CACNA2D3: variants seen among roughly 807,000 people sequenced by gnomAD.
CACNA2D3 encodes voltage-dependent calcium channel subunit alpha-2/delta-3.
Under a neutral mutation model 160.6 loss-of-function variants are expected in CACNA2D3, and 60 were observed. The observed-to-expected ratio is 0.37, with a 90% CI of 0.30 to 0.46. The LOEUF (loss-of-function observed/expected upper bound fraction) is 0.46, where lower values mean the gene tolerates loss of function less well. Ranked by LOEUF, CACNA2D3 falls within the 20% of genes least tolerant of loss-of-function variation. The probability of loss-of-function intolerance (pLI) is 1.00; values close to 1 mark genes in which losing one functional copy is unlikely to be tolerated. For missense variants in CACNA2D3, 1,205 were observed against 1,365.0 expected, an observed-to-expected ratio of 0.88 and a Z score of 1.85; for synonymous variants, 558 against 492.9, an observed-to-expected ratio of 1.13 and a Z score of -1.75.
chr3:54,274,912 G>A (rs1393219853), intron 2 of CACNA2D3, among the ~76,000 whole-genome samples: 1 of 152,244 alleles, frequency 6.6e-6, no homozygotes, highest in East Asian at 1.9e-4. Flanking sequence ...TGATCTTGGA[G>A]GTGACATTGC....
chr3:54,447,658 C>T (rs1700243896), intron 4 of CACNA2D3, among the ~76,000 whole-genome samples: 1 of 152,206 alleles, frequency 6.6e-6, no homozygotes, highest in African/African-American at 2.4e-5. Flanking sequence ...CTGCTTGGTT[C>T]TGTTAGGCCA....
At chr3:54,538,218 G>A (rs1175539162) in intron 5 of CACNA2D3, among the ~76,000 whole-genome samples, 1 of 152,122 alleles carries the variant, frequency 6.6e-6, no homozygotes, top group Non-Finnish European at 1.5e-5. Context: ...CCCCAAGGTT[G>A]CTTGACTGAG....
Position 54,269,737 on chromosome 3 carries a change from G to A in CACNA2D3, c.205-50705G>A, listed in dbSNP as rs1702584026. ...CCAGAGATGAATGGGAGTTATCTTGGCAAAAAGGAGGTGGATGAGTTTTTA... is the reference window on the plus strand; with the variant it reads ...CCAGAGATGAATGGGAGTTATCTTGACAAAAAGGAGGTGGATGAGTTTTTA... On this transcript the variant is annotated intron_variant, in intron 2 of 37. Transcript: ENST00000474759. Among the ~76,000 whole-genome samples, 5 of 152,162 alleles carry A rather than the reference G, an allele frequency of 3.3e-5. 1 individual carries two copies. In the South Asian group the frequency reaches 1.0e-3, roughly 32 times the overall value.
intron 9 of CACNA2D3, among the ~76,000 whole-genome samples, chr3:54,598,127 TAA>T (rs746815735): frequency 2.9e-5 from 4 of 140,336 alleles, no homozygotes; most frequent in Non-Finnish European, 1.6e-5. Context: ...CTATCTCTAC[TAA>T]AAAAAAAAAA....
At chr3:54,439,950 A>T (rs968576954) in intron 4 of CACNA2D3, among the ~76,000 whole-genome samples, 2 of 152,130 alleles carry the variant, frequency 1.3e-5, no homozygotes, top group African/African-American at 4.8e-5. Context: ...TGATACTCTG[A>T]TACCCACAAA....
intron 9 of CACNA2D3, among the ~76,000 whole-genome samples, chr3:54,588,459 G>C (rs1702802471): frequency 6.6e-6 from 1 of 152,090 alleles, no homozygotes; most frequent in Non-Finnish European, 1.5e-5. Flanking sequence ...GTTTTAGTCA[G>C]GCCAGGAAAA....
chr3:54,337,851 CG>C (rs1167669722), intron 3 of CACNA2D3, among the ~76,000 whole-genome samples: 21 of 152,170 alleles, frequency 1.4e-4, no homozygotes, highest in Admixed American at 1.4e-3. Flanking sequence ...CACAACTCCA[CG>C]GGAGGTGGCT....
chr3:54,909,643 A>ATTTT lies in CACNA2D3; in HGVS notation c.2449+9793_2449+9796dup, dbSNP rs759615370. Among the ~76,000 whole-genome samples, 134 of 123,836 alleles carry ATTTT rather than the reference A, an allele frequency of 1.1e-3. 2 individuals are homozygous for ATTTT. Among genetic ancestry groups the ATTTT allele is most frequent in the Middle Eastern group, 8.8e-3 (2 of 226 alleles). The allele number at this position is 123,836 out of a possible 152,430, so 81.2% of individuals were successfully genotyped here. ...AAAACATTATGAGATTTTTTTTGTG[A>ATTTT]TTTTTTTTTTTTTTTTTTTTTAGCT... On this transcript the variant is annotated intron_variant, in intron 27 of 37. Transcript: ENST00000474759.
chr3:54,843,499 G>A (rs185750907), intron 16 of CACNA2D3, among the ~76,000 whole-genome samples: 4 of 152,298 alleles, frequency 2.6e-5, no homozygotes, highest in Non-Finnish European at 5.9e-5. Flanking sequence ...CGTGTGCCTT[G>A]AGTGGCAGTG....
chr3:54,735,983 A>AT lies in CACNA2D3; in HGVS notation c.1168-16615dup, dbSNP rs1246987012. On this transcript the variant is annotated intron_variant, in intron 11 of 37. Transcript: ENST00000474759. ...CTTTGCATTATTTTTCCATGCATGT[A>AT]TATATATATACATATATATATATGT... Among the ~76,000 whole-genome samples, 451 of 122,908 alleles carry AT rather than the reference A, an allele frequency of 3.7e-3. 22 individuals carry two copies. Among genetic ancestry groups the AT allele is most frequent in the Non-Finnish European group, 5.0e-3 (299 of 59,226 alleles). The allele number at this position is 122,908 out of a possible 152,430, so 80.6% of individuals were successfully genotyped here. A position where few individuals can be genotyped will look rare whatever the true frequency, so the allele number is the denominator to read the frequency against.
intron 2 of CACNA2D3, among the ~76,000 whole-genome samples, chr3:54,148,566 A>G (rs902869664): frequency 2.8e-4 from 42 of 152,250 alleles, no homozygotes; most frequent in African/African-American, 9.9e-4. Flanking sequence ...GCGAAAAAGG[A>G]GGTGGAGTTG....
chr3:54,610,439 C>CT (rs72127250), intron 9 of CACNA2D3, among the ~76,000 whole-genome samples: 37,370 of 146,382 alleles, frequency 0.26, 4,870 homozygotes, highest in African/African-American at 0.3. Flanking sequence ...AATCATAATG[C>CT]TTTTTTTTTT....
intron 4 of CACNA2D3, among the ~76,000 whole-genome samples, chr3:54,484,565 C>T (rs764949733): frequency 1.3e-5 from 2 of 152,086 alleles, no homozygotes; most frequent in African/African-American, 4.8e-5. Flanking sequence ...CTGTGAGAAA[C>T]GTGAGAGTAA....
At chr3:54,287,434 G>A (rs927445348) in intron 2 of CACNA2D3, among the ~76,000 whole-genome samples, 1 of 151,210 alleles carries the variant, frequency 6.6e-6, no homozygotes, top group African/African-American at 2.4e-5. Context: ...AGCAAGTCCT[G>A]AGTGACCTAC....
At chr3:54,409,897 G>T (rs113198694) in intron 4 of CACNA2D3, among the ~76,000 whole-genome samples, 12 of 152,358 alleles carry the variant, frequency 7.9e-5, no homozygotes, top group African/African-American at 2.9e-4. Flanking sequence ...TAACATAAAA[G>T]TGCAAGGTGA....
chr3:54,415,275 T>G (rs1699736365), intron 4 of CACNA2D3, among the ~76,000 whole-genome samples: 1 of 152,204 alleles, frequency 6.6e-6, no homozygotes, highest in Admixed American at 6.5e-5. Flanking sequence ...GATTATTCAC[T>G]AAGAATCTTG....
intron 2 of CACNA2D3, among the ~76,000 whole-genome samples, chr3:54,196,381 G>T (rs1364642609): frequency 6.6e-6 from 1 of 152,192 alleles, no homozygotes; most frequent in African/African-American, 2.4e-5. Flanking sequence ...AGGGGCAGGA[G>T]GGCAGTGAGT....
At chr3:54,748,271 A>G (rs1701792847) in intron 11 of CACNA2D3, among the ~76,000 whole-genome samples, 1 of 152,196 alleles carries the variant, frequency 6.6e-6, no homozygotes, top group Non-Finnish European at 1.5e-5. Flanking sequence ...AATTTGATTC[A>G]TTATCTTTAC....
chr3:54,488,801 A>G (rs1281485446), intron 4 of CACNA2D3, among the ~76,000 whole-genome samples: 3 of 152,144 alleles, frequency 2.0e-5, no homozygotes, highest in African/African-American at 7.2e-5. Context: ...CAGAGGCCCT[A>G]TCAACTGAGT....
Sources: gnomAD v4.1 joint callset for allele counts (sites outside exome capture counted in the v4.1 genomes callset) on GRCh38, gnomAD v4.1.1 for gene constraint, MANE v1.5 for transcripts, NCBI Gene and HGNC (gene_info 2026-07-23, HGNC 2026-07-21) for gene names.